Variants in ELAVL4 observed in about 807,000 individuals in gnomAD.
ELAVL4 encodes ELAV like RNA binding protein 4.
ELAVL4 carries 1 observed loss-of-function variant against 35.6 expected under a neutral mutation model. The ratio of observed to expected loss-of-function variants is 0.03; its 90% CI spans 0.01 to 0.13. ELAVL4 has a LOEUF of 0.13. Ranked by LOEUF, ELAVL4 falls within the 10% of genes least tolerant of loss-of-function variation. The pLI is 1.00. For missense variants in ELAVL4, 267 were observed against 464.9 expected, an observed-to-expected ratio of 0.57 and a Z score of 3.91; for synonymous variants, 156 against 171.0, an observed-to-expected ratio of 0.91 and a Z score of 0.69.
intron 1 of ELAVL4, among the ~76,000 whole-genome samples, chr1:50,088,701 G>A (rs6673246): frequency 0.094 from 14,285 of 152,094 alleles, 910 homozygotes; most frequent in African/African-American, 0.17. Context: ...TACTTCTATA[G>A]CATTAACCAC....
At chr1:50,186,709 G>A (rs1267841084) in intron 3 of ELAVL4, among the ~76,000 whole-genome samples, 1 of 152,322 alleles carries the variant, frequency 6.6e-6, no homozygotes, top group South Asian at 2.1e-4. Flanking sequence ...GCATGAAGGG[G>A]TTGGCAGGAG....
intron 1 of ELAVL4, among the ~76,000 whole-genome samples, chr1:50,123,506 C>T (rs1669372806): frequency 6.6e-6 from 1 of 152,018 alleles, no homozygotes; most frequent in South Asian, 2.1e-4. Context: ...TATTTTTTCA[C>T]TCTCCCAGTG....
At chr1:50,134,906 A>G (rs1671626481) in intron 1 of ELAVL4, among the ~76,000 whole-genome samples, 3 of 152,164 alleles carry the variant, frequency 2.0e-5, no homozygotes, top group Non-Finnish European at 2.9e-5. Flanking sequence ...CTCTAAAGAA[A>G]CACTGTAAAA....
At chr1:50,168,946 GTATA>G (rs369553332) in intron 2 of ELAVL4, among the ~76,000 whole-genome samples, 10 of 139,678 alleles carry the variant, frequency 7.2e-5, no homozygotes, top group Middle Eastern at 3.6e-3. Context: ...TAGGAGATAT[GTATA>G]TATATATATA....
At chr1:50,143,296 G>A (rs1673131559) in intron 1 of ELAVL4, among the ~76,000 whole-genome samples, 2 of 152,164 alleles carry the variant, frequency 1.3e-5, no homozygotes, top group African/African-American at 2.4e-5. Context: ...AATCCTCTGA[G>A]CAGGCAAATG....
At chr1:50,066,835 A>G (rs1367326312) in intron 1 of ELAVL4, among the ~76,000 whole-genome samples, 3 of 152,156 alleles carry the variant, frequency 2.0e-5, no homozygotes, top group Non-Finnish European at 4.4e-5. Context: ...TGCAGATGCC[A>G]AAGAGCTTAG....
At chr1:50,122,052 G>A (rs1669129315) in intron 1 of ELAVL4, among the ~76,000 whole-genome samples, 2 of 152,004 alleles carry the variant, frequency 1.3e-5, no homozygotes, top group South Asian at 2.1e-4. Flanking sequence ...AAAGGTAAAT[G>A]TTAATTTCTC....
intron 2 of ELAVL4, among the ~76,000 whole-genome samples, chr1:50,146,407 G>A (rs912680474): frequency 2.0e-5 from 3 of 152,054 alleles, no homozygotes; most frequent in African/African-American, 7.2e-5. Flanking sequence ...TGAAAAACTG[G>A]AAGATAATGC....
At chr1:50,105,230 T>C (rs1318562993), upstream of ELAVL4, among the ~76,000 whole-genome samples, 3 of 152,224 alleles carry the variant, frequency 2.0e-5, no homozygotes, top group Non-Finnish European at 4.4e-5. Context: ...TGCACACTTT[T>C]GAGTTTTCAT....
chr1:50,174,489 T>G (rs75902711), intron 2 of ELAVL4: 4 of 68,148 alleles, frequency 5.9e-5, no homozygotes, highest in Admixed American at 1.6e-4. Context: ...TTTTTGTTTG[T>G]TTTTTTTTTT....
At chr1:50,088,911 A>G (rs1238466996) in intron 1 of ELAVL4, among the ~76,000 whole-genome samples, 1 of 84,380 alleles carries the variant, frequency 1.2e-5, no homozygotes, top group East Asian at 3.7e-4. Context: ...GATCCATTCA[A>G]ATGACTGTGT....
intron 1 of ELAVL4, among the ~76,000 whole-genome samples, chr1:50,117,202 A>C (rs1668098173): frequency 1.3e-5 from 2 of 152,128 alleles, no homozygotes; most frequent in Admixed American, 1.3e-4. Flanking sequence ...TGGAAAAGTT[A>C]ATCTTAAAAG....
intron 3 of ELAVL4, among the ~76,000 whole-genome samples, chr1:50,177,980 T>C (rs1156654183): frequency 2.6e-5 from 4 of 152,188 alleles, no homozygotes; most frequent in Non-Finnish European, 5.9e-5. Flanking sequence ...ATACTCTGGG[T>C]CCAGACTTCA....
intron 1 of ELAVL4, among the ~76,000 whole-genome samples, chr1:50,143,511 A>G (rs1673168269): frequency 2.0e-5 from 3 of 152,158 alleles, no homozygotes; most frequent in Admixed American, 2.0e-4. Context: ...GCTTTACATA[A>G]GTCATATCAC....
chr1:50,201,158 A>C lies in ELAVL4; in HGVS notation c.1081A>C (p.Asn361His). Reference protein sequence around the residue: ...DRVLQVSFKTNKAHKS With the variant: ...DRVLQVSFKTHKAHKS ...AGTGTTGCAAGTTTCCTTTAAAACCAACAAAGCCCACAAGTCCTGAATTTC... is the reference window on the plus strand; with the variant it reads ...AGTGTTGCAAGTTTCCTTTAAAACCCACAAAGCCCACAAGTCCTGAATTTC... The change falls in exon 7 of 7, where the codon AAC becomes CAC. Residue 361 changes from asparagine (N) to histidine (H), a missense_variant. Asn to His is a moderately conservative substitution (Grantham distance 68). Around this residue, in one of 2 missense-constraint regions of ELAVL4, gnomAD observed 216 missense variants for 409.5 expected, o/e 0.53. Transcript: ENST00000371824. This position sits in a 1 kb window ranked among gnomAD's most constrained non-coding sequence, Gnocchi z 4.3. 1 of 1,594,632 alleles carries C rather than the reference A, an allele frequency of 6.3e-7. No homozygotes were observed. Among genetic ancestry groups the C allele is most frequent in the African/African-American group, 1.3e-5 (1 of 74,360 alleles).
chr1:50,063,493 T>C lies in ELAVL4; in HGVS notation c.18+15311T>C, dbSNP rs117720271. ...CCTGATGGTTTTTTAGCTTCCTCTA[T>C]GGCCACTGTCTCCAGATCTCTGTTC... On this transcript the variant is annotated intron_variant, in intron 1 of 6. Coordinates refer to the ELAVL4 transcript ENST00000448907. Among the ~76,000 whole-genome samples the C allele has an allele frequency of 3.9e-4, 60 of 152,292 alleles. No homozygotes were observed. The East Asian group carries it at 0.011, about 28-fold the overall frequency.
chr1:50,109,017 C>CGGGCG lies in ELAVL4; in HGVS notation c.-173_-172insGGGCG. ...TCCTTTTCTTTTTTTTCTTTCTCTC[C>CGGGCG]CCCGCCCACCCCCCCAAAAATAATT... On this transcript the variant is annotated 5_prime_UTR_variant, in exon 1 of 7. Coordinates refer to ENST00000371824, the MANE Select transcript of ELAVL4 (RefSeq NM_001144774.3). 3.7e-6 allele frequency: 2 copies of CGGGCG among 539,710 alleles called. No individual in the cohort carries two copies. The highest frequency in any genetic ancestry group is 4.6e-6 in the Non-Finnish European group (2 of 431,816). 33.4% of individuals were successfully genotyped at this position (539,710 alleles called of 1,614,324 possible). A position where few individuals can be genotyped will look rare whatever the true frequency, so the allele number is the denominator to read the frequency against.
intron 3 of ELAVL4, among the ~76,000 whole-genome samples, chr1:50,182,981 C>T (rs1681275916): frequency 6.6e-6 from 1 of 151,926 alleles, no homozygotes; most frequent in African/African-American, 2.4e-5. Flanking sequence ...CCTCAGCCTC[C>T]CGAGTAGCTG....
chr1:50,098,545 C>G (rs1337349891), intron 1 of ELAVL4, among the ~76,000 whole-genome samples: 3 of 152,122 alleles, frequency 2.0e-5, no homozygotes, highest in Non-Finnish European at 4.4e-5. Flanking sequence ...AACTTCTGTT[C>G]AAAAACCTTA....
Sources: allele counts gnomAD v4.1 joint callset (sites outside exome capture counted in the v4.1 genomes callset), GRCh38; gene constraint gnomAD v4.1.1; regional missense constraint gnomAD v4.1.1; non-coding constraint Gnocchi (gnomAD v3.1); transcripts MANE v1.5; gene names NCBI Gene and HGNC (gene_info 2026-07-23, HGNC 2026-07-21).